GNAO1: variants seen among roughly 807,000 people sequenced by gnomAD.
GNAO1 encodes the protein G protein subunit alpha o1, also known as guanine nucleotide-binding protein G(o) subunit alpha.
For synonymous variants in GNAO1, 164 were observed against 180.7 expected (o/e 0.91, Z 0.74); for missense variants, 166 against 478.7 (o/e 0.35, Z 6.10).
At chr16:56,295,299 G>A (rs756442083) in intron 3 of GNAO1, among the ~76,000 whole-genome samples, 9 of 152,126 alleles carry the variant, frequency 5.9e-5, no homozygotes, top group Non-Finnish European at 1.3e-4. Context: ...CCAGCTCCGT[G>A]GCTCGCAGAT....
intron 2 of GNAO1, among the ~76,000 whole-genome samples, chr16:56,198,049 A>AAAAAC (rs1228684996): frequency 6.6e-6 from 1 of 152,230 alleles, no homozygotes; most frequent in Non-Finnish European, 1.5e-5. Flanking sequence ...CCAAACTGAA[A>AAAAAC]AAAACAAAAC....
intron 2 of GNAO1, among the ~76,000 whole-genome samples, chr16:56,232,525 T>G (rs1244238862): frequency 1.3e-5 from 2 of 152,192 alleles, no homozygotes; most frequent in African/African-American, 4.8e-5. Flanking sequence ...TCTGAGAAGT[T>G]CTATAATTAA....
At chr16:56,251,305 A>G (rs1319094959) in intron 2 of GNAO1, among the ~76,000 whole-genome samples, 1 of 152,218 alleles carries the variant, frequency 6.6e-6, no homozygotes, top group Non-Finnish European at 1.5e-5. Context: ...TGCCCATTAC[A>G]CTGATGACTT....
intron 2 of GNAO1, among the ~76,000 whole-genome samples, chr16:56,255,878 C>G (rs1251944080): frequency 6.6e-6 from 1 of 151,892 alleles, no homozygotes; most frequent in Non-Finnish European, 1.5e-5. Flanking sequence ...TCTTCCAGAC[C>G]ACCAATTCAC....
At chr16:56,240,980 T>C (rs2036688718) in intron 2 of GNAO1, among the ~76,000 whole-genome samples, 1 of 152,114 alleles carries the variant, frequency 6.6e-6, no homozygotes, top group South Asian at 2.1e-4. Flanking sequence ...GAGTGCTCCT[T>C]CCAGGAGGTG....
At chr16:56,256,710 CTCTCTCTCTGTGTGTGTGTGTG>C (rs1290915702) in intron 2 of GNAO1, among the ~76,000 whole-genome samples, 1,772 of 120,380 alleles carry the variant, frequency 0.015, 12 homozygotes, top group Admixed American at 0.021. Context: ...CTCTCTCTCT[CTCTCTCTCTGTGTGTGTGTGTG>C]TGTGTGTGTG....
intron 5 of GNAO1, 71 bp downstream of exon 5, chr16:56,334,928 G>A: frequency 6.6e-7 from 1 of 1,516,646 alleles, no homozygotes; most frequent in Non-Finnish European, 9.1e-7. Context: ...TCAGCGCATT[G>A]CGTTTACAGC....
At chr16:56,252,506 A>C (rs2036808747) in intron 2 of GNAO1, among the ~76,000 whole-genome samples, 1 of 152,246 alleles carries the variant, frequency 6.6e-6, no homozygotes, top group Non-Finnish European at 1.5e-5. Flanking sequence ...TCACCACCTG[A>C]GTGACCTTGA....
intron 4 of GNAO1, among the ~76,000 whole-genome samples, chr16:56,329,938 G>A (rs538988533): frequency 3.5e-4 from 53 of 152,340 alleles, no homozygotes; most frequent in Admixed American, 1.8e-3. Flanking sequence ...AAAGAGTTAC[G>A]TGGCCCCAAA....
At chr16:56,319,743 C>G (rs1159999102) in intron 3 of GNAO1, among the ~76,000 whole-genome samples, 4 of 152,132 alleles carry the variant, frequency 2.6e-5, no homozygotes, top group African/African-American at 9.7e-5. Flanking sequence ...GCATCCTGCT[C>G]CCCAGCAACA....
intron 2 of GNAO1, among the ~76,000 whole-genome samples, chr16:56,201,359 G>A (rs2036280562): frequency 6.6e-6 from 1 of 152,222 alleles, no homozygotes; most frequent in South Asian, 2.1e-4. Context: ...TGCTAGGAGT[G>A]TAAAATAGTT....
At chr16:56,227,831 A>G (rs1441048757) in intron 2 of GNAO1, among the ~76,000 whole-genome samples, 1 of 151,254 alleles carries the variant, frequency 6.6e-6, no homozygotes, top group Admixed American at 6.6e-5. Flanking sequence ...TGAGGCTCGG[A>G]GGCATGGTTT....
intron 3 of GNAO1, among the ~76,000 whole-genome samples, chr16:56,280,655 G>C (rs1248487233): frequency 2.6e-5 from 4 of 152,178 alleles, no homozygotes; most frequent in African/African-American, 9.7e-5. Flanking sequence ...CCACGAATAA[G>C]GTGCAAGGGG....
chr16:56,333,644 C>T (rs568120833), intron 4 of GNAO1, among the ~76,000 whole-genome samples: 8 of 152,360 alleles, frequency 5.3e-5, no homozygotes, highest in Admixed American at 1.3e-4. Flanking sequence ...CCCTAGCTGG[C>T]GAAGTCATCT....
chr16:56,229,275 G>A (rs1425657359), intron 2 of GNAO1, among the ~76,000 whole-genome samples: 1 of 152,154 alleles, frequency 6.6e-6, no homozygotes, highest in Non-Finnish European at 1.5e-5. Context: ...CATAATCTCA[G>A]CTCACTGCGA....
At chr16:56,271,711 C>T (rs1483235428) in intron 2 of GNAO1, among the ~76,000 whole-genome samples, 7 of 152,244 alleles carry the variant, frequency 4.6e-5, no homozygotes, top group East Asian at 1.9e-4. Flanking sequence ...CCTCAGCCTC[C>T]GAAAGTGCTG....
chr16:56,328,044 C>T (rs1304522240), intron 3 of GNAO1, among the ~76,000 whole-genome samples: 3 of 152,126 alleles, frequency 2.0e-5, no homozygotes, highest in Non-Finnish European at 2.9e-5. Context: ...GGCAACCAGC[C>T]CCTCCCCTCC....
chr16:56,310,780 G>A lies in GNAO1; in HGVS notation c.304-17851G>A, dbSNP rs189477555. Among the ~76,000 whole-genome samples, 16 of 152,248 alleles carry A rather than the reference G, an allele frequency of 1.1e-4. No homozygotes were observed. In the East Asian group the frequency reaches 3.1e-3, roughly 29 times the overall value. On this transcript the variant is annotated intron_variant, in intron 3 of 8. Coordinates refer to ENST00000262493, the MANE Select transcript of GNAO1 (RefSeq NM_020988.3). ...ACCCAAAATGTTTCGTGGTTCAGATGCAATAGGTTATTTCTTGCTCATCTA... is the reference window on the plus strand; with the variant it reads ...ACCCAAAATGTTTCGTGGTTCAGATACAATAGGTTATTTCTTGCTCATCTA...
Position 56,354,935 on chromosome 16 carries a change from A to G in GNAO1, c.947A>G (p.Asn316Ser), listed in dbSNP as rs1191986177. 8 of 1,613,346 alleles carry G rather than the reference A, an allele frequency of 5.0e-6. No homozygotes were observed. Among genetic ancestry groups the G allele is most frequent in the African/African-American group, 1.3e-5 (1 of 74,868 alleles). The change falls in exon 8 of 9, where the codon AAC becomes AGC. Residue 316 changes from asparagine to serine, a missense_variant. Coordinates refer to ENST00000262493, the MANE Select transcript of GNAO1 (RefSeq NM_020988.3). This position sits in a 1 kb window ranked among gnomAD's most constrained non-coding sequence, Gnocchi z 4.3. Reference sequence around the variant, plus strand: ...TTTGAAAGCAAAAACCGCTCACCCAACAAAGAAATATATTGTCACATGACT... The same window carrying G: ...TTTGAAAGCAAAAACCGCTCACCCAGCAAAGAAATATATTGTCACATGACT... ...AQFESKNRSPNKEIYCHMTCA... is the reference protein window; with the variant it reads ...AQFESKNRSPSKEIYCHMTCA...
Sources: gnomAD v4.1 joint callset for allele counts (sites outside exome capture counted in the v4.1 genomes callset) on GRCh38, gnomAD v4.1.1 for gene constraint, Gnocchi (gnomAD v3.1) non-coding constraint, MANE v1.5 for transcripts, NCBI Gene and HGNC (gene_info 2026-07-23, HGNC 2026-07-21) for gene names.